The following CENPI variants were observed in gnomAD, a reference collection of about 807,000 sequenced individuals.
CENPI encodes centromere protein I.
In CENPI, 4 loss-of-function variants were observed where a neutral mutation model predicts 60.4. The ratio of observed to expected loss-of-function variants is 0.07; its 90% confidence interval spans 0.03 to 0.15. The LOEUF (loss-of-function observed/expected upper bound fraction) is 0.15. Ranked by LOEUF, CENPI falls within the 10% of genes least tolerant of loss-of-function variation. The pLI, the probability that CENPI is intolerant of heterozygous loss-of-function variation, is 1.00. For missense variants in CENPI, 444 were observed against 534.5 expected (o/e 0.83, Z 1.67); for synonymous variants, 157 against 189.4 (o/e 0.83, Z 1.40).
the CENPI span, among the ~76,000 whole-genome samples, chrX:101,178,640 A>G: frequency 8.2e-5 from 9 of 109,575 alleles, no homozygotes; most frequent in African/African-American, 3.0e-4. Context: ...CGAACTCCTG[A>G]CCTCAGGTGA....
intron 20 of CENPI, among the ~76,000 whole-genome samples, chrX:101,159,352 G>A (rs1280519985): frequency 9.2e-6 from 1 of 108,964 alleles, no homozygotes; most frequent in African/African-American, 3.3e-5. Flanking sequence ...TTAGTAGAGA[G>A]GGGGTTTCAC....
At chrX:101,124,764 G>C (rs187683001) in intron 8 of CENPI, among the ~76,000 whole-genome samples, 1 of 111,567 alleles carries the variant, frequency 9.0e-6, no homozygotes, top group African/African-American at 3.3e-5. Flanking sequence ...TCCTGCCATC[G>C]TGTGAAGAAG....
chrX:101,101,231 A>ATAT lies in CENPI; in HGVS notation c.162_163insATT (p.Tyr54_Glu55insIle). On this transcript the variant is annotated inframe_insertion, in exon 3 of 22. Coordinates refer to ENST00000682095, the MANE Select transcript of CENPI (RefSeq NM_001386188.2). ...GGACAAAACAATCCAGTGGGAGATT[A>ATAT]TGAACATGCTGATGATCAAGCTGAA... 1 of 1,210,714 alleles carries ATAT rather than the reference A, an allele frequency of 8.3e-7. No individual in the cohort carries two copies. Among genetic ancestry groups the ATAT allele is most frequent in the Non-Finnish European group, 1.1e-6 (1 of 894,403 alleles).
At chrX:101,134,869 C>A (rs1384010588) in intron 15 of CENPI, among the ~76,000 whole-genome samples, 1 of 110,587 alleles carries the variant, frequency 9.0e-6, no homozygotes, top group African/African-American at 3.3e-5. Context: ...ACTAAAAATA[C>A]AAAAATTAGC....
chrX:101,164,780 T>C lies in CENPI; in HGVS notation c.*1813T>C, dbSNP rs759235345. The stretch of plus-strand genomic sequence containing the variant: ...TTTTGTATCTTTTGAGATTATCATA[T>C]GGCTTTTGTCCTTCATTCTGTTAAC... On this transcript the variant is annotated 3_prime_UTR_variant, in exon 22 of 22. Transcript: ENST00000682095. Among the ~76,000 whole-genome samples, 67 of 112,808 alleles carry C rather than the reference T, an allele frequency of 5.9e-4. No homozygotes were observed. The highest frequency in any genetic ancestry group is 7.3e-4 in the South Asian group (2 of 2,756).
chrX:101,131,768 T>G (rs1413520731), intron 13 of CENPI, among the ~76,000 whole-genome samples: 1 of 111,528 alleles, frequency 9.0e-6, no homozygotes, highest in Admixed American at 9.6e-5. Context: ...ACCTAGACAT[T>G]TGAGCCTCTA....
intron 6 of CENPI, among the ~76,000 whole-genome samples, chrX:101,111,639 A>T (rs983678845): frequency 4.5e-5 from 5 of 112,043 alleles, no homozygotes; most frequent in African/African-American, 1.6e-4. Context: ...AATGGCAAGT[A>T]CAAACAAAGT....
the CENPI span, among the ~76,000 whole-genome samples, chrX:101,171,442 CT>C: frequency 9.0e-6 from 1 of 111,631 alleles, no homozygotes; most frequent in South Asian, 3.7e-4. Flanking sequence ...AACCAGAAAA[CT>C]TTTTTTTATT....
intron 4 of CENPI, among the ~76,000 whole-genome samples, chrX:101,103,500 C>T (rs2089447209): frequency 9.0e-6 from 1 of 110,754 alleles, no homozygotes; most frequent in African/African-American, 3.3e-5. Context: ...CGCCACCACG[C>T]CTGACTAGTT....
At chrX:101,115,202 A>G (rs931269199) in intron 6 of CENPI, among the ~76,000 whole-genome samples, 1 of 109,627 alleles carries the variant, frequency 9.1e-6, no homozygotes, top group East Asian at 2.9e-4. Flanking sequence ...GACCTCAGGT[A>G]ATCCGCCCTC....
intron 16 of CENPI, chrX:101,141,169 T>C (rs41306265): frequency 0.012 from 1,342 of 113,906 alleles, 6 homozygotes; most frequent in Middle Eastern, 0.091. Context: ...GTTTCTGTGC[T>C]GTATTTTGGT....
At chrX:101,141,737 G>GCC (rs372469224) in intron 16 of CENPI, among the ~76,000 whole-genome samples, 1 of 109,092 alleles carries the variant, frequency 9.2e-6, no homozygotes, top group African/African-American at 3.3e-5. Context: ...ACCTCCACCT[G>GCC]CCCCCCCCTT....
In CENPI at chrX:101,163,458, A is replaced by G. The variant is rs1054490; in HGVS notation, c.*491A>G. 27,619 of 116,881 alleles carry G rather than the reference A, an allele frequency of 0.24. 2,420 individuals are homozygous for G. The highest frequency in any genetic ancestry group is 0.35 in the South Asian group (976 of 2,821). 9.6% of individuals were successfully genotyped at this position (116,881 alleles called of 1,213,427 possible). A position where few individuals can be genotyped will look rare whatever the true frequency, so the allele number is the denominator to read the frequency against. On this transcript the variant is annotated 3_prime_UTR_variant, in exon 22 of 22. Coordinates refer to ENST00000682095, the MANE Select transcript of CENPI (RefSeq NM_001386188.2). ...CTCTAAAAGCCCTAAGTAGTTGGTA[A>G]CTTCCTGGGCCTTCAATCATAGCAA...
intron 6 of CENPI, among the ~76,000 whole-genome samples, chrX:101,111,504 TC>T (rs2089552980): frequency 9.5e-6 from 1 of 105,081 alleles, no homozygotes; most frequent in Non-Finnish European, 2.0e-5. Context: ...ACTAGCATAT[TC>T]TTCATTATGT....
chrX:101,121,523 A>G (rs1195009694), intron 8 of CENPI, among the ~76,000 whole-genome samples: 1 of 109,741 alleles, frequency 9.1e-6, no homozygotes, highest in African/African-American at 3.3e-5. Flanking sequence ...TCTTGACCTC[A>G]GGTGATCTGC....
chrX:101,163,190 A>G lies in CENPI; in HGVS notation c.*223A>G. ...CCTACCAGTGAAAAATGACCCCTTCATCATCAGGCTCTGCGTTCTACCAAA... is the reference window on the plus strand; with the variant it reads ...CCTACCAGTGAAAAATGACCCCTTCGTCATCAGGCTCTGCGTTCTACCAAA... On this transcript the variant is annotated 3_prime_UTR_variant, in exon 22 of 22. Transcript: ENST00000682095. 1 of 342,932 alleles carries G rather than the reference A, an allele frequency of 2.9e-6. No homozygotes were observed. The highest frequency in any genetic ancestry group is 5.0e-5 in the South Asian group (1 of 20,171). The allele number at this position is 342,932 out of a possible 1,213,427, so 28.3% of individuals were successfully genotyped here.
At position 101,127,217 on chromosome X, in the gene CENPI, A is replaced by G. The variant is rs1458724966; in HGVS notation, c.857A>G (p.Glu286Gly). Residue 286 changes from glutamate to glycine, a missense_variant, in exon 10 of 22, where the codon GAA becomes GGA. Transcript: ENST00000682095. ...CAAAGAAACCGGGGACCTTCTCCAG[A>G]ACCTCTGAAGTTGATGTTAGGTCCA... ...VKQRNRGPSP[E>G]PLKLMLGPAN... 17 of 1,196,865 alleles carry G rather than the reference A, an allele frequency of 1.4e-5. No individual in the cohort carries two copies. The highest frequency in any genetic ancestry group is 1.9e-5 in the Non-Finnish European group (17 of 889,801).
chrX:101,107,579 A>G (rs982172886), intron 4 of CENPI, among the ~76,000 whole-genome samples: 2 of 108,442 alleles, frequency 1.8e-5, no homozygotes, highest in Admixed American at 1.0e-4. Flanking sequence ...CTGGTCTTGA[A>G]CTCCTGACCT....
chrX:101,133,120 C>A (rs1019541982), intron 15 of CENPI, among the ~76,000 whole-genome samples: 2 of 109,457 alleles, frequency 1.8e-5, no homozygotes, highest in Non-Finnish European at 3.8e-5. Context: ...TACTGTTGGC[C>A]ACATTGACAG....
Sources: allele counts gnomAD v4.1 joint callset (sites outside exome capture counted in the v4.1 genomes callset), GRCh38; gene constraint gnomAD v4.1.1; transcripts MANE v1.5; gene names NCBI Gene and HGNC (gene_info 2026-07-23, HGNC 2026-07-21).